Variants in PCDH10 observed in about 807,000 individuals in gnomAD.
The protein encoded by PCDH10 is protocadherin-10.
In PCDH10, 15 loss-of-function variants were observed where a neutral mutation model predicts 74.4. That is an observed-to-expected ratio of 0.20 (90% confidence interval 0.13 to 0.31). PCDH10 has a LOEUF of 0.31. Among genes scored for constraint, PCDH10 ranks in the 10% least tolerant of loss-of-function variants. The pLI is 1.00. For synonymous variants in PCDH10, 619 were observed against 589.8 expected (o/e 1.05, Z -0.72); for missense variants, 1,260 against 1,390.2 (o/e 0.91, Z 1.49).
chr4:133,175,231 G>T (rs757627772), intron 4 of PCDH10, among the ~76,000 whole-genome samples: 3 of 151,828 alleles, frequency 2.0e-5, no homozygotes, highest in Non-Finnish European at 2.9e-5. Context: ...ATTTCAAAGG[G>T]ACATCAATTG....
chr4:133,194,186 A>AT lies in PCDH10; in HGVS notation c.*4032dup, dbSNP rs1482368753. On this transcript the variant is annotated 3_prime_UTR_variant, in exon 5 of 5. Transcript: ENST00000264360. Reference sequence around the variant, plus strand: ...CATGCGTGTATTTCTAATCACTGTTATTTTTTAAGTATTTGTAAAATTAGA... The same window carrying AT: ...CATGCGTGTATTTCTAATCACTGTTATTTTTTTAAGTATTTGTAAAATTAGA... 6 of 151,956 alleles carry AT rather than the reference A, an allele frequency of 3.9e-5. No homozygotes were observed. Among genetic ancestry groups the AT allele is most frequent in the South Asian group, 2.1e-4 (1 of 4,830 alleles). The allele number at this position is 151,956 out of a possible 1,614,324, so 9.4% of individuals were successfully genotyped here.
chr4:133,158,750 T>C (rs1449006333), intron 3 of PCDH10, among the ~76,000 whole-genome samples: 3 of 152,080 alleles, frequency 2.0e-5, no homozygotes, highest in Admixed American at 2.0e-4. Flanking sequence ...ATTGCCAAGT[T>C]TGATTTTGGG....
chr4:133,195,624 G>A (rs539093339), downstream of PCDH10, among the ~76,000 whole-genome samples: 4 of 151,984 alleles, frequency 2.6e-5, no homozygotes, highest in South Asian at 8.3e-4. Flanking sequence ...TCTGCCTTTA[G>A]GAAAATTACA....
intron 4 of PCDH10, 113 bp downstream of exon 4, chr4:133,163,395 A>G: frequency 1.1e-6 from 1 of 930,558 alleles, no homozygotes; most frequent in Non-Finnish European, 1.6e-6. Flanking sequence ...AATAAAGATA[A>G]AAGTGACTGG....
intron 2 of PCDH10, among the ~76,000 whole-genome samples, chr4:133,202,934 G>C (rs969044): frequency 0.54 from 82,114 of 151,986 alleles, 22,580 homozygotes; most frequent in African/African-American, 0.64. Context: ...CTGAGGAGAG[G>C]TGAGGCCACT....
intron 2 of PCDH10, among the ~76,000 whole-genome samples, 173 bp downstream of exon 2, chr4:133,154,538 T>C (rs541346561): frequency 1.2e-4 from 18 of 152,332 alleles, no homozygotes; most frequent in African/African-American, 4.1e-4. Context: ...AAATTATACA[T>C]TATATTTCAT....
chr4:133,190,916 C>T lies in PCDH10; in HGVS notation c.*756C>T, dbSNP rs1727652815. The T allele has an allele frequency of 6.6e-6, 1 of 152,222 alleles. No individual in the cohort carries two copies. 9.4% of individuals were successfully genotyped at this position (152,222 alleles called of 1,614,324 possible). A position where few individuals can be genotyped will look rare whatever the true frequency, so the allele number is the denominator to read the frequency against. ...ATCATTAATAGTTTTCTCCCAATTT[C>T]CATATCTTACTCAACCGTGTTTTTC... On this transcript the variant is annotated 3_prime_UTR_variant, in exon 5 of 5. Coordinates refer to ENST00000264360, the MANE Select transcript of PCDH10 (RefSeq NM_032961.3).
chr4:133,169,591 C>A (rs1225528213), intron 4 of PCDH10, among the ~76,000 whole-genome samples: 1 of 151,504 alleles, frequency 6.6e-6, no homozygotes, highest in African/African-American at 2.4e-5. Flanking sequence ...AGCATTTGTC[C>A]ATCATATGAG....
At position 133,163,293 on chromosome 4, in the gene PCDH10, C is replaced by T. The variant is rs1242945078; in HGVS notation, c.3103+11C>T. The T allele has an allele frequency of 6.3e-7, 1 of 1,592,690 alleles. No individual in the cohort carries two copies. The highest frequency in any genetic ancestry group is 1.1e-5 in the South Asian group (1 of 88,478). The stretch of plus-strand genomic sequence containing the variant: ...AACCACCATATTTGAGTAAGTATTA[C>T]ACAAAGGGCTCTGTTAAAGTGTTCC... On this transcript the variant is annotated intron_variant, in intron 4 of 4. Coordinates refer to ENST00000264360, the MANE Select transcript of PCDH10 (RefSeq NM_032961.3).
chr4:133,168,876 T>C (rs1560709827), intron 4 of PCDH10, among the ~76,000 whole-genome samples: 1 of 151,756 alleles, frequency 6.6e-6, no homozygotes, highest in African/African-American at 2.4e-5. Context: ...TTCTAATTTT[T>C]AAAAAATGTT....
intron 4 of PCDH10, among the ~76,000 whole-genome samples, chr4:133,185,179 AATAT>A (rs1329401322): frequency 3.4e-5 from 5 of 148,170 alleles, no homozygotes; most frequent in Non-Finnish European, 7.5e-5. Context: ...CATATAAATA[AATAT>A]ATAAATATAT....
In PCDH10 at chr4:133,150,548, G is replaced by C; in HGVS notation, c.408G>C (p.Thr136=). ...DLTVEISESA[T]PGTRFPLESA... is the part of the protein sequence containing the mutation. Reference sequence around the variant, plus strand: ...CGGTGGAAATCTCTGAGAGCGCCACGCCAGGCACTCGCTTCCCCTTGGAGA... The same window carrying C: ...CGGTGGAAATCTCTGAGAGCGCCACCCCAGGCACTCGCTTCCCCTTGGAGA... The change falls in exon 1 of 5, where the codon ACG becomes ACC. Residue 136 remains threonine (T), a synonymous_variant. Coordinates refer to ENST00000264360, the MANE Select transcript of PCDH10 (RefSeq NM_032961.3). 3 of 1,613,772 alleles carry C rather than the reference G, an allele frequency of 1.9e-6. No homozygotes were observed. The highest frequency in any genetic ancestry group is 1.7e-6 in the Non-Finnish European group (2 of 1,179,968).
rs5862060 is a variant in PCDH10, at chr4:133,160,406, C to CT, written c.2798-2559dup. Among the ~76,000 whole-genome samples, 504 of 144,464 alleles carry CT rather than the reference C, an allele frequency of 3.5e-3. 4 individuals are homozygous for CT. Among genetic ancestry groups the CT allele is most frequent in the African/African-American group, 0.011 (431 of 39,456 alleles). The allele number at this position is 144,464 out of a possible 152,430, so 94.8% of individuals were successfully genotyped here. On this transcript the variant is annotated intron_variant, in intron 3 of 4. Transcript: ENST00000264360. ...ACAAAAAACTTTTTCTATATCCTCA[C>CT]TTTTTTTTTTTTGCCATGCACATGC...
downstream of PCDH10, chr4:133,194,734 T>TA (rs1727756743): frequency 6.6e-6 from 1 of 151,972 alleles, no homozygotes; most frequent in Non-Finnish European, 1.5e-5. Context: ...AGTCTTAATA[T>TA]AACAGGTCTA....
Position 133,151,148 on chromosome 4 carries a change from C to T in PCDH10, c.1008C>T (p.Asn336=), listed in dbSNP as rs552172366. ...VYVQAKDLGP[N]AVPAHCKVLV... is the part of the protein sequence containing the mutation. Reference sequence around the variant, plus strand: ...TGCAAGCCAAGGACCTGGGCCCCAACGCCGTGCCTGCGCACTGCAAGGTGC... The same window carrying T: ...TGCAAGCCAAGGACCTGGGCCCCAATGCCGTGCCTGCGCACTGCAAGGTGC... The change falls in exon 1 of 5, where the codon AAC becomes AAT. Residue 336 remains asparagine, a synonymous_variant. Transcript: ENST00000264360. 1.2e-6 allele frequency: 2 copies of T among 1,614,148 alleles called. No individual in the cohort carries two copies. The highest frequency in any genetic ancestry group is 2.2e-5 in the East Asian group (1 of 44,862).
In PCDH10 at chr4:133,150,554, C is replaced by G; in HGVS notation, c.414C>G (p.Gly138=). ...TVEISESATP[G]TRFPLESAFD... is the part of the protein sequence containing the mutation. ...AAATCTCTGAGAGCGCCACGCCAGG[C>G]ACTCGCTTCCCCTTGGAGAGCGCAT... is the stretch of plus-strand genomic sequence containing the variant. Residue 138 remains glycine, a synonymous_variant, in exon 1 of 5, where the codon GGC becomes GGG. Transcript: ENST00000264360. 6.2e-7 allele frequency: 1 copy of G among 1,613,818 alleles called. No individual in the cohort carries two copies. The highest frequency in any genetic ancestry group is 8.5e-7 in the Non-Finnish European group (1 of 1,179,980).
intron 4 of PCDH10, 44 bp from the exon 5 acceptor site, chr4:133,190,097 A>C: frequency 1.3e-6 from 2 of 1,548,516 alleles, no homozygotes; most frequent in Non-Finnish European, 1.8e-6. Flanking sequence ...AAACTCCAAA[A>C]GTCAACCTCT....
At chr4:133,205,910 A>AT (rs1727991507) in intron 2 of PCDH10, among the ~76,000 whole-genome samples, 1 of 151,690 alleles carries the variant, frequency 6.6e-6, no homozygotes, top group Admixed American at 6.6e-5. Flanking sequence ...TTTTCATTTT[A>AT]TTTTTTCCGA....
chr4:133,151,590 G>A lies in PCDH10; in HGVS notation c.1450G>A (p.Ala484Thr). 1 of 1,613,842 alleles carries A rather than the reference G, an allele frequency of 6.2e-7. No homozygotes were observed. The highest frequency in any genetic ancestry group is 1.3e-5 in the African/African-American group (1 of 75,024). The stretch of plus-strand genomic sequence containing the variant: ...CAACGTGCCTGGCGCCTACATCTAC[G>A]CGGTGAGCGCCACCGACCGGGATGA... ...ENNVPGAYIY[A>T]VSATDRDEGA... The change falls in exon 1 of 5, where the codon GCG becomes ACG. Residue 484 changes from alanine to threonine, a missense_variant. Transcript: ENST00000264360.
Sources: allele counts gnomAD v4.1 joint callset (sites outside exome capture counted in the v4.1 genomes callset), GRCh38; gene constraint gnomAD v4.1.1; transcripts MANE v1.5; gene names NCBI Gene and HGNC (gene_info 2026-07-23, HGNC 2026-07-21).